The following ACAN variants were observed in gnomAD, a reference collection of about 807,000 sequenced individuals.
ACAN encodes aggrecan.
In ACAN, 47 loss-of-function variants were observed where a neutral mutation model predicts 169.1. That is an observed-to-expected ratio of 0.28 (90% CI 0.22 to 0.35). The LOEUF (loss-of-function observed/expected upper bound fraction) is 0.35, where lower values mean the gene tolerates loss of function less well. Among genes scored for constraint, ACAN ranks in the 10% least tolerant of loss-of-function variants. The pLI, the probability that ACAN is intolerant of heterozygous loss-of-function variation, is 1.00. For missense variants in ACAN, 2,716 were observed against 2,759.9 expected, an observed-to-expected ratio of 0.98 and a Z score of 0.36; for synonymous variants, 1,115 against 1,112.2, an observed-to-expected ratio of 1.00 and a Z score of -0.05.
intron 1 of ACAN, among the ~76,000 whole-genome samples, chr15:88,825,878 G>A (rs550168793): frequency 6.6e-6 from 1 of 152,334 alleles, no homozygotes; most frequent in African/African-American, 2.4e-5. Flanking sequence ...ACCAAGGCCA[G>A]CTCTGTTTTT....
At chr15:88,845,417 G>A (rs754206910) in intron 6 of ACAN, 88 bp from the exon 7 acceptor site, 22 of 1,502,138 alleles carry the variant, frequency 1.5e-5, no homozygotes, top group Non-Finnish European at 1.9e-5. Flanking sequence ...GAAGGAGGGG[G>A]AGCCATGCTC....
At chr15:88,831,419 C>T (rs1299162094) in intron 1 of ACAN, among the ~76,000 whole-genome samples, 2 of 152,248 alleles carry the variant, frequency 1.3e-5, no homozygotes, top group African/African-American at 2.4e-5. Context: ...CACCTAGGTG[C>T]TCATCACATG....
chr15:88,849,545 G>A lies in ACAN; in HGVS notation c.1840G>A (p.Ala614Thr), dbSNP rs771963700. 74 of 1,605,058 alleles carry A rather than the reference G, an allele frequency of 4.6e-5. No homozygotes were observed. The highest frequency in any genetic ancestry group is 2.9e-4 in the East Asian group (13 of 44,428). Residue 614 changes from alanine to threonine, a missense_variant, in exon 10 of 19, where the codon GCC becomes ACC. Ala to Thr is a moderately conservative substitution (Grantham distance 58). Around this residue, in one of 3 missense-constraint regions of ACAN, gnomAD observed 1,283 missense variants for 1,281.5 expected, o/e 1.00. Coordinates refer to ENST00000560601, the MANE Select transcript of ACAN (RefSeq NM_001369268.1). This position sits in a 1 kb window ranked among gnomAD's most constrained non-coding sequence, Gnocchi z 5.1. ...GGCCACCACGGGCCAGCTCTACGCC[G>A]CCTGGAGCCGCGGCCTGGACAAGTG... is the stretch of plus-strand genomic sequence containing the variant. Reference protein sequence around the residue: ...TLATTGQLYAAWSRGLDKCYA... With the variant: ...TLATTGQLYATWSRGLDKCYA...
chr15:88,843,862 C>G lies in ACAN; in HGVS notation c.1051+214C>G, dbSNP rs978478701. ...GAGACTGCAGCGTATCTAGCTCTGTCTCATCGGATCAGCACAGACGAGGCT... is the reference window on the plus strand; with the variant it reads ...GAGACTGCAGCGTATCTAGCTCTGTGTCATCGGATCAGCACAGACGAGGCT... On this transcript the variant is annotated intron_variant, in intron 6 of 18. Transcript: ENST00000560601. This position sits in a 1 kb window ranked among gnomAD's most constrained non-coding sequence, Gnocchi z 4.0. Among the ~76,000 whole-genome samples, 3 of 152,190 alleles carry G rather than the reference C, an allele frequency of 2.0e-5. No homozygotes were observed. The highest frequency in any genetic ancestry group is 7.2e-5 in the African/African-American group (3 of 41,450).
intron 1 of ACAN, among the ~76,000 whole-genome samples, chr15:88,830,090 G>A (rs1265071756): frequency 1.3e-5 from 2 of 151,998 alleles, no homozygotes; most frequent in African/African-American, 4.8e-5. Flanking sequence ...GCAAACATTT[G>A]CTGAGTCTAC....
intron 2 of ACAN, among the ~76,000 whole-genome samples, chr15:88,837,832 T>C (rs112042749): frequency 9.9e-5 from 15 of 151,460 alleles, no homozygotes; most frequent in African/African-American, 3.6e-4. Context: ...TTTCAACCTG[T>C]AGGCCCCCAT....
chr15:88,840,459 T>G (rs1896624359), intron 4 of ACAN, among the ~76,000 whole-genome samples: 1 of 152,224 alleles, frequency 6.6e-6, no homozygotes, highest in Non-Finnish European at 1.5e-5. Context: ...ATTTTTTTCT[T>G]TGCCATGATT....
intron 8 of ACAN, among the ~76,000 whole-genome samples, chr15:88,847,626 G>A (rs1031942776): frequency 6.6e-6 from 1 of 152,198 alleles, no homozygotes; most frequent in Non-Finnish European, 1.5e-5. Flanking sequence ...ATCAGACAGA[G>A]GCAGCAGCCC....
rs139460443 is a variant in ACAN at position 88,866,362 on chromosome 15, C to T, written c.6947-1854C>T. Among the ~76,000 whole-genome samples the T allele has an allele frequency of 1.8e-4, 28 of 152,234 alleles. No homozygotes were observed. Among genetic ancestry groups the T allele is most frequent in the African/African-American group, 5.3e-4 (22 of 41,532 alleles). The stretch of plus-strand genomic sequence containing the variant: ...CAGTGCTTCCCATCTCCCATAATGA[C>T]GCTAATGGATAAAAGAGAACAGGCA... On this transcript the variant is annotated intron_variant, in intron 13 of 18. Coordinates refer to ENST00000560601, the MANE Select transcript of ACAN (RefSeq NM_001369268.1). The surrounding 1 kb of genome is among the most constrained non-coding windows in gnomAD (Gnocchi z 5.6).
Position 88,874,442 on chromosome 15 carries a change from A to T in ACAN, c.7668A>T (p.Ser2556=). 6.2e-7 allele frequency: 1 copy of T among 1,607,476 alleles called. No individual in the cohort carries two copies. Residue 2556 remains serine, a synonymous_variant, in exon 19 of 19, where the codon TCA becomes TCT. Coordinates refer to ENST00000560601, the MANE Select transcript of ACAN (RefSeq NM_001369268.1). This position sits in a 1 kb window ranked among gnomAD's most constrained non-coding sequence, Gnocchi z 7.3. The part of the protein sequence containing the change: ...TYKRRLQKRS[S]RHPRRSRPST... ...AACGCAGACTACAGAAGCGGAGCTC[A>T]CGGCACCCTCGGAGGAGCCGCCCCA...
At chr15:88,836,356 C>G in intron 2 of ACAN, 80 bp downstream of exon 2, 1 of 1,230,232 alleles carries the variant, frequency 8.1e-7, no homozygotes, top group Non-Finnish European at 1.2e-6. Flanking sequence ...GAACCTGGTG[C>G]TACTGGTCCC....
rs1897472778 is a variant in ACAN, at chr15:88,874,782, A to G, written c.*301A>G. On this transcript the variant is annotated 3_prime_UTR_variant, in exon 19 of 19. Transcript: ENST00000560601. The surrounding 1 kb of genome is among the most constrained non-coding windows in gnomAD (Gnocchi z 7.3). ...CCTTTCCAGGGACCAGTGCAGGGAC[A>G]GGGGGAGAAGGGGAGGGGTTAAGTT... 6.7e-6 allele frequency: 3 copies of G among 445,050 alleles called. No individual in the cohort carries two copies. Among genetic ancestry groups the G allele is most frequent in the African/African-American group, 2.0e-5 (1 of 49,840 alleles). 27.6% of individuals were successfully genotyped at this position (445,050 alleles called of 1,614,324 possible).
chr15:88,825,973 C>T (rs1207261319), intron 1 of ACAN, among the ~76,000 whole-genome samples: 1 of 152,200 alleles, frequency 6.6e-6, no homozygotes, highest in Admixed American at 6.5e-5. Flanking sequence ...GCTCCGTGGG[C>T]TGATTTCTGA....
At chr15:88,864,241 T>C (rs1897247088) in intron 13 of ACAN, among the ~76,000 whole-genome samples, 1 of 151,948 alleles carries the variant, frequency 6.6e-6, no homozygotes, top group Non-Finnish European at 1.5e-5. Flanking sequence ...AGATTTGAAA[T>C]AGTACAAATA....
At chr15:88,860,072 CTTT>C (rs57985365) in intron 12 of ACAN, among the ~76,000 whole-genome samples, 29 of 102,866 alleles carry the variant, frequency 2.8e-4, no homozygotes, top group African/African-American at 8.0e-4. Context: ...GCTGATTTTC[CTTT>C]TTTTTTTTTT....
chr15:88,840,737 G>T (rs1399551843), intron 4 of ACAN, among the ~76,000 whole-genome samples: 1 of 150,580 alleles, frequency 6.6e-6, no homozygotes, highest in African/African-American at 2.5e-5. Flanking sequence ...AAATGTCTTT[G>T]CAGTCTCGGG....
At chr15:88,837,122 A>G (rs925941245) in intron 2 of ACAN, among the ~76,000 whole-genome samples, 27 of 152,202 alleles carry the variant, frequency 1.8e-4, no homozygotes, top group African/African-American at 6.3e-4. Context: ...CGGGGACACC[A>G]TACCCCTGGT....
intron 4 of ACAN, among the ~76,000 whole-genome samples, chr15:88,841,477 A>C (rs372122144): frequency 1.1e-3 from 154 of 134,078 alleles, no homozygotes; most frequent in African/African-American, 4.4e-3. Context: ...TAAAATATTT[A>C]CTATCTTGCC....
intron 1 of ACAN, among the ~76,000 whole-genome samples, chr15:88,831,854 C>T (rs1371788907): frequency 6.6e-6 from 1 of 152,240 alleles, no homozygotes; most frequent in South Asian, 2.1e-4. Context: ...CAGGAGGAAG[C>T]GTTGGTTGGA....
Sources: allele counts gnomAD v4.1 joint callset (sites outside exome capture counted in the v4.1 genomes callset), GRCh38; gene constraint gnomAD v4.1.1; regional missense constraint gnomAD v4.1.1; non-coding constraint Gnocchi (gnomAD v3.1); transcripts MANE v1.5; gene names NCBI Gene and HGNC (gene_info 2026-07-23, HGNC 2026-07-21).